IGSF21: variants seen among roughly 807,000 people sequenced by gnomAD.
IGSF21 encodes immunoglobulin superfamily member 21.
IGSF21 carries 28 observed loss-of-function variants against 46.8 expected under a neutral mutation model. The observed-to-expected ratio is 0.60, with a 90% CI of 0.44 to 0.82. The LOEUF is 0.82. IGSF21 is among the 40% of genes least tolerant of loss of function. The pLI is 0.00. For synonymous variants in IGSF21, 284 were observed against 273.6 expected (o/e 1.04, Z -0.38); for missense variants, 624 against 665.5 (o/e 0.94, Z 0.69).
chr1:18,218,268 A>G (rs1264818082), intron 1 of IGSF21, among the ~76,000 whole-genome samples: 1 of 152,198 alleles, frequency 6.6e-6, no homozygotes, highest in African/African-American at 2.4e-5. Context: ...AAACAAGCAG[A>G]TCTCTTGAAA....
At chr1:18,138,887 A>G (rs767615500) in intron 1 of IGSF21, among the ~76,000 whole-genome samples, 1 of 152,214 alleles carries the variant, frequency 6.6e-6, no homozygotes, top group African/African-American at 2.4e-5. Flanking sequence ...AGATGAGGAA[A>G]CTGAGGCCCA....
At chr1:18,200,856 G>A (rs1272456367) in intron 1 of IGSF21, among the ~76,000 whole-genome samples, 1 of 152,160 alleles carries the variant, frequency 6.6e-6, no homozygotes, top group East Asian at 1.9e-4. Flanking sequence ...AGTTTCACGT[G>A]ATTTATGTCG....
chr1:18,252,045 GTTTTTTTTTTT>G (rs59704256), intron 2 of IGSF21, among the ~76,000 whole-genome samples: 17 of 72,068 alleles, frequency 2.4e-4, no homozygotes, highest in Non-Finnish European at 1.3e-4. Flanking sequence ...TGACCAAGGC[GTTTTTTTTTTT>G]TTTTTTTTTT....
At chr1:18,350,104 A>G (rs547769444) in intron 4 of IGSF21, among the ~76,000 whole-genome samples, 2 of 152,238 alleles carry the variant, frequency 1.3e-5, no homozygotes, top group East Asian at 1.9e-4. Context: ...TCGCTCCTCC[A>G]GGCTGTCATG....
chr1:18,133,759 T>G (rs533769559), intron 1 of IGSF21, among the ~76,000 whole-genome samples: 1 of 152,254 alleles, frequency 6.6e-6, no homozygotes, highest in South Asian at 2.1e-4. Context: ...ATTGGACAAC[T>G]GCCGATCCCC....
chr1:18,196,553 T>C (rs916486380), intron 1 of IGSF21, among the ~76,000 whole-genome samples: 6 of 152,210 alleles, frequency 3.9e-5, no homozygotes, highest in Non-Finnish European at 7.3e-5. Flanking sequence ...GTCCTGAAGG[T>C]ACCCCCTGAA....
At chr1:18,371,695 G>T (rs1251430213) in intron 6 of IGSF21, among the ~76,000 whole-genome samples, 1 of 152,154 alleles carries the variant, frequency 6.6e-6, no homozygotes, top group African/African-American at 2.4e-5. Context: ...AACAGTGTTG[G>T]CCTATGAAGA....
In IGSF21 at chr1:18,335,196, C is replaced by T. The variant is rs372929819; in HGVS notation, c.424+186C>T. Among the ~76,000 whole-genome samples the T allele has an allele frequency of 1.3e-5, 2 of 152,200 alleles. No homozygotes were observed. The highest frequency in any genetic ancestry group is 4.1e-4 in the South Asian group (2 of 4,834). ...GACCAAGCTGAGCCAAGGTGTGACC[C>T]GTGAAGTCTTGCCCCCCATGGGCCT... On this transcript the variant is annotated intron_variant, in intron 4 of 9. Coordinates refer to ENST00000251296, the MANE Select transcript of IGSF21 (RefSeq NM_032880.5). This position sits in a 1 kb window ranked among gnomAD's most constrained non-coding sequence, Gnocchi z 4.8.
At chr1:18,247,114 G>A (rs116749238) in intron 2 of IGSF21, among the ~76,000 whole-genome samples, 1,743 of 146,870 alleles carry the variant, frequency 0.012, 33 homozygotes, top group African/African-American at 0.041. Context: ...GCAGTGGCAC[G>A]ATCTCTGCAC....
At chr1:18,207,079 G>T (rs1451532638) in intron 1 of IGSF21, among the ~76,000 whole-genome samples, 4 of 152,168 alleles carry the variant, frequency 2.6e-5, no homozygotes. Context: ...CATTTAAGTT[G>T]TTGCAGAATT....
intron 1 of IGSF21, among the ~76,000 whole-genome samples, chr1:18,126,128 G>T (rs947381571): frequency 6.6e-6 from 1 of 152,106 alleles, no homozygotes; most frequent in Non-Finnish European, 1.5e-5. Flanking sequence ...TCCCATAGAG[G>T]TGCCCCAGGG....
chr1:18,118,947 C>T (rs1570241271), intron 1 of IGSF21, among the ~76,000 whole-genome samples: 1 of 118,058 alleles, frequency 8.5e-6, no homozygotes. Context: ...TTCCTTCTTT[C>T]CTTGTCTGAT....
chr1:18,363,791 G>C (rs1262770007), intron 5 of IGSF21, among the ~76,000 whole-genome samples: 1 of 150,580 alleles, frequency 6.6e-6, no homozygotes, highest in African/African-American at 2.4e-5. Context: ...GTGGGATTGT[G>C]GGCAGAGGAG....
At chr1:18,254,862 C>T (rs78199499) in intron 2 of IGSF21, among the ~76,000 whole-genome samples, 2 of 32,236 alleles carry the variant, frequency 6.2e-5, no homozygotes, top group East Asian at 7.2e-3. Flanking sequence ...ATCCATTCAT[C>T]CATCCATCCA....
chr1:18,217,619 A>C (rs1350798339), intron 1 of IGSF21, among the ~76,000 whole-genome samples: 1 of 152,174 alleles, frequency 6.6e-6, no homozygotes, highest in Non-Finnish European at 1.5e-5. Flanking sequence ...GTGTCCTGTG[A>C]CTATAGCAGG....
chr1:18,239,452 C>A (rs1395406166), intron 2 of IGSF21, among the ~76,000 whole-genome samples: 1 of 152,304 alleles, frequency 6.6e-6, no homozygotes, highest in Middle Eastern at 3.4e-3. Flanking sequence ...CCACCCCTCC[C>A]TGCCCCACAC....
intron 3 of IGSF21, among the ~76,000 whole-genome samples, chr1:18,332,691 G>T (rs61760793): frequency 0.32 from 48,254 of 152,040 alleles, 9,424 homozygotes; most frequent in Non-Finnish European, 0.42. Context: ...GAGGGGGACG[G>T]CGTCTTCTCA....
At chr1:18,154,770 C>T (rs994737445) in intron 1 of IGSF21, among the ~76,000 whole-genome samples, 1 of 152,020 alleles carries the variant, frequency 6.6e-6, no homozygotes, top group Non-Finnish European at 1.5e-5. Context: ...TCGTCCTCTC[C>T]TTTCCCCTCC....
At chr1:18,371,725 A>C (rs1351111918) in intron 6 of IGSF21, among the ~76,000 whole-genome samples, 1 of 152,192 alleles carries the variant, frequency 6.6e-6, no homozygotes, top group Non-Finnish European at 1.5e-5. Context: ...GACTGGAAGG[A>C]GGCCTCTGCT....
Sources: allele counts gnomAD v4.1 joint callset (sites outside exome capture counted in the v4.1 genomes callset), GRCh38; gene constraint gnomAD v4.1.1; non-coding constraint Gnocchi (gnomAD v3.1); transcripts MANE v1.5; gene names NCBI Gene and HGNC (gene_info 2026-07-23, HGNC 2026-07-21).